The following SLC6A5 variants were observed in gnomAD, a reference collection of about 807,000 sequenced individuals.
The protein encoded by SLC6A5 is solute carrier family 6 member 5, also known as sodium- and chloride-dependent glycine transporter 2.
Under a neutral mutation model 90.5 loss-of-function variants are expected in SLC6A5, and 58 were observed. The observed-to-expected ratio is 0.64, with a 90% CI of 0.52 to 0.80. SLC6A5 has a LOEUF of 0.80. SLC6A5 is among the 30% of genes least tolerant of loss of function. SLC6A5 has a pLI of 0.00. For synonymous variants in SLC6A5, 427 were observed against 401.4 expected (o/e 1.06, Z -0.76); for missense variants, 1,015 against 1,017.6 (o/e 1.00, Z 0.03).
chr11:20,648,318 C>T (rs925003288), intron 14 of SLC6A5, among the ~76,000 whole-genome samples: 13 of 152,160 alleles, frequency 8.5e-5, no homozygotes, highest in African/African-American at 2.4e-4. Context: ...CCCTCTCTTC[C>T]CTTCCTTCAT....
chr11:20,636,277 G>T, intron 10 of SLC6A5, 30 bp from the exon 11 acceptor site: 1 of 1,400,106 alleles, frequency 7.1e-7, no homozygotes, highest in Non-Finnish European at 1.0e-6. Context: ...AGTAGGGCCT[G>T]CCTGCAATCA....
intron 5 of SLC6A5, among the ~76,000 whole-genome samples, chr11:20,608,922 GTCTCTCTCTC>G (rs138477311): frequency 0.012 from 1,546 of 131,648 alleles, 12 homozygotes; most frequent in African/African-American, 0.027. Flanking sequence ...CTGTCTGTCT[GTCTCTCTCTC>G]TCTCTCTCTC....
At chr11:20,634,047 T>G (rs764113429) in intron 10 of SLC6A5, among the ~76,000 whole-genome samples, 1 of 152,296 alleles carries the variant, frequency 6.6e-6, no homozygotes, top group Non-Finnish European at 1.5e-5. Context: ...AATTTTTGTA[T>G]TTTTAGTAGA....
In SLC6A5 at chr11:20,633,141, G is replaced by C. The variant is rs565059604; in HGVS notation, c.1624+2326G>C. On this transcript the variant is annotated intron_variant, in intron 10 of 15. Transcript: ENST00000525748. Reference sequence around the variant, plus strand: ...CCATATGCATTACCACCTATGGAGCGGTGACTCATGTTCAGAATCTATCCT... The same window carrying C: ...CCATATGCATTACCACCTATGGAGCCGTGACTCATGTTCAGAATCTATCCT... Among the ~76,000 whole-genome samples the C allele has an allele frequency of 3.3e-5, 5 of 152,178 alleles. No individual in the cohort carries two copies. In the South Asian group the frequency reaches 1.0e-3, roughly 32 times the overall value.
Position 20,601,249 on chromosome 11 carries a change from G to A in SLC6A5, c.124G>A (p.Ala42Thr). The A allele has an allele frequency of 6.3e-7, 1 of 1,583,154 alleles. No individual in the cohort carries two copies. Among genetic ancestry groups the A allele is most frequent in the Non-Finnish European group, 8.5e-7 (1 of 1,172,360 alleles). ...GACGAGCCCGGAGCAGGAGCTTCCC[G>A]CGGCTGCCGCCCCGCCGCCGCCACG... is the stretch of plus-strand genomic sequence containing the variant. ...PRTSPEQELP[A>T]AAAPPPPRVP... Residue 42 changes from alanine to threonine, a missense_variant, in exon 2 of 16, where the codon GCG becomes ACG. Transcript: ENST00000525748.
At chr11:20,623,918 C>T (rs186098499) in intron 7 of SLC6A5, among the ~76,000 whole-genome samples, 1 of 152,104 alleles carries the variant, frequency 6.6e-6, no homozygotes, top group African/African-American at 2.4e-5. Flanking sequence ...TTCATTTTTT[C>T]AATCCACATA....
At position 20,601,537 on chromosome 11, in the gene SLC6A5, A is replaced by C. The variant is rs140334751; in HGVS notation, c.412A>C (p.Lys138Gln). 27 of 1,614,178 alleles carry C rather than the reference A, an allele frequency of 1.7e-5. No individual in the cohort carries two copies. Among genetic ancestry groups the C allele is most frequent in the Non-Finnish European group, 2.3e-5 (27 of 1,179,992 alleles). Residue 138 changes from lysine to glutamine, a missense_variant, in exon 2 of 16, where the codon AAG becomes CAG. Physicochemically the swap from Lys to Gln is moderately conservative, Grantham distance 53. Transcript: ENST00000525748. ...PEGDANVSVGKGTLERNNTPV... is the reference protein window; with the variant it reads ...PEGDANVSVGQGTLERNNTPV... ...GGGGGATGCGAACGTGAGTGTGGGC[A>C]AGGGCACCCTGGAGCGGAACAATAC...
At chr11:20,625,126 T>G (rs72931497) in intron 7 of SLC6A5, among the ~76,000 whole-genome samples, 18,341 of 151,550 alleles carry the variant, frequency 0.12, 1,366 homozygotes, top group Non-Finnish European at 0.17. Context: ...CACTGCTCCT[T>G]CTGCTTCTGC....
chr11:20,652,500 A>G, intron 15 of SLC6A5, 44 bp downstream of exon 15: 1 of 1,550,064 alleles, frequency 6.5e-7, no homozygotes, highest in African/African-American at 1.4e-5. Context: ...TCCCAAGGGA[A>G]AGCCCATAAA....
chr11:20,608,402 C>G (rs181215959), intron 5 of SLC6A5, among the ~76,000 whole-genome samples: 121 of 152,292 alleles, frequency 7.9e-4, no homozygotes, highest in Non-Finnish European at 6.0e-4. Flanking sequence ...GAAAGTCTTT[C>G]TGGTCTATAC....
chr11:20,615,378 T>C (rs1054973357), intron 6 of SLC6A5, among the ~76,000 whole-genome samples: 3 of 152,204 alleles, frequency 2.0e-5, no homozygotes, highest in Non-Finnish European at 4.4e-5. Flanking sequence ...CTTTCCTTTT[T>C]TTTCTTTTGA....
At chr11:20,603,707 G>C (rs1214072269) in intron 2 of SLC6A5, among the ~76,000 whole-genome samples, 1 of 152,216 alleles carries the variant, frequency 6.6e-6, no homozygotes, top group Non-Finnish European at 1.5e-5. Flanking sequence ...GGCAGGTTCT[G>C]GTTTGGTCAA....
chr11:20,626,586 ACAACTAC>A, intron 7 of SLC6A5, 115 bp from the exon 8 acceptor site: 1 of 1,077,322 alleles, frequency 9.3e-7, no homozygotes, highest in Admixed American at 1.9e-5. Context: ...GCATTTGGGG[ACAACTAC>A]CCTGATGTGC....
intron 6 of SLC6A5, among the ~76,000 whole-genome samples, chr11:20,615,351 A>T (rs1427446597): frequency 1.3e-5 from 2 of 151,824 alleles, no homozygotes; most frequent in African/African-American, 4.8e-5. Context: ...TCATAAAATT[A>T]TTTTTTTCTT....
chr11:20,601,635 C>T lies in SLC6A5; in HGVS notation c.510C>T (p.Leu170=), dbSNP rs1260641221. 1 of 1,613,972 alleles carries T rather than the reference C, an allele frequency of 6.2e-7. No individual in the cohort carries two copies. Among genetic ancestry groups the T allele is most frequent in the Non-Finnish European group, 8.5e-7 (1 of 1,179,968 alleles). ...CCACGGATGGAATCACGTCCGTGCT[C>T]CCGGGCAGCGTGGCCACCGTTGCCA... The part of the protein sequence containing the change: ...VLATDGITSV[L]PGSVATVATQ... Residue 170 remains leucine, a synonymous_variant, in exon 2 of 16, where the codon CTC becomes CTT. Coordinates refer to ENST00000525748, the MANE Select transcript of SLC6A5 (RefSeq NM_004211.5).
At chr11:20,630,903 C>G in intron 10 of SLC6A5, 88 bp downstream of exon 10, 6 of 1,473,874 alleles carry the variant, frequency 4.1e-6, no homozygotes, top group Non-Finnish European at 5.6e-6. Flanking sequence ...GGGAAGCTGG[C>G]CTTCTGGAAC....
At chr11:20,605,178 G>A (rs558898359) in intron 3 of SLC6A5, among the ~76,000 whole-genome samples, 2 of 152,162 alleles carry the variant, frequency 1.3e-5, no homozygotes, top group Non-Finnish European at 2.9e-5. Flanking sequence ...GGGTGCCGCG[G>A]GGCCGGCCGC....
chr11:20,610,112 G>C (rs151263206), intron 5 of SLC6A5, among the ~76,000 whole-genome samples: 1 of 152,148 alleles, frequency 6.6e-6, no homozygotes, highest in African/African-American at 2.4e-5. Context: ...GGTCTTTCAT[G>C]TGCTTTCATT....
At chr11:20,605,541 C>A (rs887433552) in intron 3 of SLC6A5, among the ~76,000 whole-genome samples, 1 of 152,180 alleles carries the variant, frequency 6.6e-6, no homozygotes, top group Non-Finnish European at 1.5e-5. Flanking sequence ...AGATAGGTTC[C>A]CGTTTGGTTT....
Sources: allele counts gnomAD v4.1 joint callset (sites outside exome capture counted in the v4.1 genomes callset), GRCh38; gene constraint gnomAD v4.1.1; transcripts MANE v1.5; gene names NCBI Gene and HGNC (gene_info 2026-07-23, HGNC 2026-07-21).